ZNF610: variants seen among roughly 807,000 people sequenced by gnomAD.
ZNF610 encodes the protein zink finger protein.
A neutral mutation model predicts 14.1 loss-of-function variants in ZNF610; 14 were observed. The ratio of observed to expected loss-of-function variants is 0.99; its 90% CI spans 0.65 to 1.55. The LOEUF (loss-of-function observed/expected upper bound fraction) is 1.55, where lower values mean the gene tolerates loss of function less well. ZNF610 is among the 40% of genes most tolerant of loss of function. The pLI, the probability that ZNF610 is intolerant of heterozygous loss-of-function variation, is 0.00. For missense variants in ZNF610, 530 were observed against 558.0 expected, an observed-to-expected ratio of 0.95 and a Z score of 0.51; for synonymous variants, 185 against 187.6, an observed-to-expected ratio of 0.99 and a Z score of 0.11.
rs189120772 is a variant in ZNF610, at chr19:52,351,300, T to C, written c.63+2065T>C. Reference sequence around the variant, plus strand: ...GGTGAAACTCTGTCTCTACTAAAAATACAAAATTAGCCTGGTGTGGTGGTG... The same window carrying C: ...GGTGAAACTCTGTCTCTACTAAAAACACAAAATTAGCCTGGTGTGGTGGTG... On this transcript the variant is annotated intron_variant, in intron 3 of 5. Transcript: ENST00000403906. Among the ~76,000 whole-genome samples the C allele has an allele frequency of 2.8e-3, 423 of 151,448 alleles. 6 individuals carry two copies. The East Asian group carries it at 0.059, about 21-fold the overall frequency.
chr19:52,362,239 C>T (rs61549168), intron 5 of ZNF610, among the ~76,000 whole-genome samples: 4,713 of 152,258 alleles, frequency 0.031, 160 homozygotes, highest in African/African-American at 0.08. Flanking sequence ...GGTAAAACCC[C>T]GTCTCTACTA....
upstream of ZNF610, among the ~76,000 whole-genome samples, chr19:52,334,055 G>A (rs187557278): frequency 5.4e-3 from 817 of 152,284 alleles, 11 homozygotes; most frequent in African/African-American, 0.018. Context: ...TAAGTTGATG[G>A]TAGTATATCA....
chr19:52,364,272 C>T (rs1306635665), intron 5 of ZNF610, among the ~76,000 whole-genome samples: 1 of 152,126 alleles, frequency 6.6e-6, no homozygotes, highest in Non-Finnish European at 1.5e-5. Flanking sequence ...TACAATAATG[C>T]ATGATTTTTT....
At chr19:52,357,276 G>A (rs1451662237) in intron 5 of ZNF610, among the ~76,000 whole-genome samples, 1 of 152,084 alleles carries the variant, frequency 6.6e-6, no homozygotes, top group Non-Finnish European at 1.5e-5. Flanking sequence ...AAGAATTTTT[G>A]GAGGCTGAGG....
chr19:52,351,458 A>C (rs1450467012), intron 3 of ZNF610, among the ~76,000 whole-genome samples: 1 of 136,752 alleles, frequency 7.3e-6, no homozygotes, highest in Non-Finnish European at 1.5e-5. Flanking sequence ...TGTCTCAAAG[A>C]AAAAAAAAAA....
In ZNF610 at chr19:52,366,813, G is replaced by A. The variant is rs746801323; in HGVS notation, c.*46G>A. 8 of 1,437,412 alleles carry A rather than the reference G, an allele frequency of 5.6e-6. No homozygotes were observed. The African/African-American group carries it at 1.1e-4, about 20-fold the overall frequency. 89.0% of individuals were successfully genotyped at this position (1,437,412 alleles called of 1,614,324 possible). A position where few individuals can be genotyped will look rare whatever the true frequency, so the allele number is the denominator to read the frequency against. On this transcript the variant is annotated 3_prime_UTR_variant, in exon 6 of 6. Transcript: ENST00000403906. ...AGAATTCACACCTAGCACAACATTG[G>A]AGGACTCAGGAGAAAAACCTTACAA...
At chr19:52,365,033 G>A (rs1214703480) in intron 5 of ZNF610, among the ~76,000 whole-genome samples, 1 of 151,856 alleles carries the variant, frequency 6.6e-6, no homozygotes, top group Non-Finnish European at 1.5e-5. Context: ...ATTGCCTGAG[G>A]TTGGGAGTTT....
rs1023000480 is a variant in ZNF610, at chr19:52,354,814, A to G, written c.319+435A>G. On this transcript the variant is annotated intron_variant, in intron 5 of 5. Coordinates refer to ENST00000403906, the MANE Select transcript of ZNF610 (RefSeq NM_001161425.2). ...GGTGGGTCTCAAACTCCTGACCTCA[A>G]GTGATCTGCCTGCCTCAGCCTCCCA... Among the ~76,000 whole-genome samples the G allele has an allele frequency of 6.8e-4, 104 of 152,024 alleles. 1 individual carries two copies. Among genetic ancestry groups the G allele is most frequent in the Admixed American group, 3.1e-3 (47 of 15,264 alleles).
At chr19:52,356,850 C>G (rs1262112608) in intron 5 of ZNF610, among the ~76,000 whole-genome samples, 2 of 152,162 alleles carry the variant, frequency 1.3e-5, no homozygotes, top group Non-Finnish European at 1.5e-5. Flanking sequence ...AAACTCAAAC[C>G]GTATCTTCCT....
chr19:52,358,286 C>T (rs1341469159), intron 5 of ZNF610, among the ~76,000 whole-genome samples: 1 of 152,150 alleles, frequency 6.6e-6, no homozygotes, highest in Non-Finnish European at 1.5e-5. Flanking sequence ...CGGGTTCAAG[C>T]GATTCTCCTG....
rs1985384154 is a variant in ZNF610, at chr19:52,353,798, G to C, written c.180G>C (p.Leu60=). 2.5e-6 allele frequency: 4 copies of C among 1,611,486 alleles called. No homozygotes were observed. The Admixed American group carries it at 5.1e-5, about 20-fold the overall frequency. ...RDVMLENYRN[L]VFLGICLPDL... ...TGATGTTGGAGAACTACAGGAACCT[G>C]GTCTTTCTGGGTGAGGATGACTTCC... The change falls in exon 4 of 6, where the codon CTG becomes CTC. Residue 60 remains leucine (L), a synonymous_variant. Coordinates refer to ENST00000403906, the MANE Select transcript of ZNF610 (RefSeq NM_001161425.2).
In ZNF610 at chr19:52,365,906, TAATA is replaced by T. The variant is rs1002456289; in HGVS notation, c.533_536del (p.Lys178IlefsTer46). On this transcript the variant is annotated frameshift_variant, in exon 6 of 6. Transcript: ENST00000403906. LOFTEE classifies it low-confidence loss of function (END_TRUNC). ...CTTCTAGTTTCACAACACACATTTT[TAATA>T]AATATAGAAATGATCTTATTGATTT... The T allele has an allele frequency of 3.1e-6, 5 of 1,612,480 alleles. No homozygotes were observed. The African/African-American group carries it at 6.7e-5, about 22-fold the overall frequency.
intron 5 of ZNF610, among the ~76,000 whole-genome samples, chr19:52,362,958 CTCTT>C: frequency 6.6e-6 from 1 of 151,962 alleles, no homozygotes; most frequent in East Asian, 1.9e-4. Flanking sequence ...TCTTCTTCTT[CTCTT>C]TGATTTTTAT....
upstream of ZNF610, among the ~76,000 whole-genome samples, chr19:52,333,936 G>T (rs1984262900): frequency 6.6e-6 from 1 of 152,182 alleles, no homozygotes; most frequent in South Asian, 2.1e-4. Context: ...CTGTTTTCAA[G>T]ACTGTTTGCC....
rs750337024 is a variant in ZNF610 at position 52,353,730 on chromosome 19, T to C, written c.112T>C (p.Trp38Arg). 6.2e-7 allele frequency: 1 copy of C among 1,613,912 alleles called. No homozygotes were observed. The highest frequency in any genetic ancestry group is 1.3e-5 in the African/African-American group (1 of 74,992). The change falls in exon 4 of 6, where the codon TGG (tryptophan) becomes CGG (arginine). Residue 38 changes from tryptophan to arginine, a missense_variant. Transcript: ENST00000403906. ...DVAIEFSQEE[W>R]KSLDPGQRAL... The stretch of plus-strand genomic sequence containing the variant: ...GGCCATCGAATTCTCTCAGGAGGAG[T>C]GGAAATCCCTGGACCCTGGACAGAG...
At chr19:52,339,403 C>A (rs1482050433) in intron 1 of ZNF610, among the ~76,000 whole-genome samples, 1 of 148,084 alleles carries the variant, frequency 6.8e-6, no homozygotes, top group Non-Finnish European at 1.5e-5. Flanking sequence ...TTGGACAATA[C>A]CTGGTTTTCC....
Position 52,366,190 on chromosome 19 carries a change from G to T in ZNF610, c.812G>T (p.Arg271Leu), listed in dbSNP as rs770299812. 1 of 1,613,564 alleles carries T rather than the reference G, an allele frequency of 6.2e-7. No individual in the cohort carries two copies. The highest frequency in any genetic ancestry group is 8.5e-7 in the Non-Finnish European group (1 of 1,179,694). The change falls in exon 6 of 6, where the codon CGC becomes CTC. Residue 271 changes from arginine (R) to leucine (L), a missense_variant. Transcript: ENST00000403906. ...AGTGAATGTGACAAGGTGTTTAATC[G>T]CAATTCAAACCTTGCACGACATCAA... ...KCSECDKVFN[R>L]NSNLARHQRI...
At chr19:52,346,086 C>T (rs1259125194) in intron 1 of ZNF610, among the ~76,000 whole-genome samples, 3 of 151,386 alleles carry the variant, frequency 2.0e-5, no homozygotes, top group African/African-American at 7.4e-5. Flanking sequence ...GCAACCTCCG[C>T]TTTCTGGGTT....
intron 1 of ZNF610, among the ~76,000 whole-genome samples, chr19:52,338,177 C>G (rs535719330): frequency 2.8e-4 from 42 of 152,352 alleles, no homozygotes; most frequent in Middle Eastern, 6.8e-3. Flanking sequence ...GTGCCACTTG[C>G]AAGTCCTGGG....
Sources: gnomAD v4.1 joint callset for allele counts (sites outside exome capture counted in the v4.1 genomes callset) on GRCh38, gnomAD v4.1.1 for gene constraint, MANE v1.5 for transcripts, NCBI Gene and HGNC (gene_info 2026-07-23, HGNC 2026-07-21) for gene names.